COLEC12: variants seen among roughly 807,000 people sequenced by gnomAD.
The protein encoded by COLEC12 is collectin-12.
COLEC12 carries 33 observed loss-of-function variants against 71.1 expected under a neutral mutation model. That is an observed-to-expected ratio of 0.46 (90% CI 0.35 to 0.62). COLEC12 has a LOEUF of 0.62. Ranked by LOEUF, COLEC12 falls within the 20% of genes least tolerant of loss-of-function variation. The probability of loss-of-function intolerance (pLI) is 0.00; values close to 1 mark genes in which losing one functional copy is unlikely to be tolerated. For missense variants in COLEC12, 765 were observed against 916.1 expected (o/e 0.84, Z 2.13); for synonymous variants, 350 against 353.0 (o/e 0.99, Z 0.10).
At chr18:450,547 G>A (rs539333665) in intron 2 of COLEC12, among the ~76,000 whole-genome samples, 2 of 152,130 alleles carry the variant, frequency 1.3e-5, no homozygotes, top group Non-Finnish European at 2.9e-5. Flanking sequence ...AGAAGAAGCT[G>A]CTATGCTTCC....
chr18:389,214 C>G (rs112963606), intron 2 of COLEC12, among the ~76,000 whole-genome samples: 3 of 51,244 alleles, frequency 5.9e-5, no homozygotes, highest in East Asian at 8.1e-4. Context: ...CACAGACACA[C>G]ACACACACAC....
chr18:499,264 T>C (rs1032802170), intron 1 of COLEC12, among the ~76,000 whole-genome samples: 2 of 152,186 alleles, frequency 1.3e-5, no homozygotes, highest in African/African-American at 4.8e-5. Context: ...CTTTTGTTTC[T>C]TTTTCCCTGG....
At chr18:344,639 C>T (rs934835586) in intron 5 of COLEC12, among the ~76,000 whole-genome samples, 2 of 152,246 alleles carry the variant, frequency 1.3e-5, no homozygotes, top group Non-Finnish European at 2.9e-5. Context: ...GGAACACATT[C>T]CCTTCCCTGG....
intron 2 of COLEC12, among the ~76,000 whole-genome samples, chr18:398,378 G>A (rs938060807): frequency 4.6e-5 from 7 of 152,318 alleles, no homozygotes; most frequent in African/African-American, 1.7e-4. Context: ...CCATCAAGAT[G>A]AAAGGAACCA....
At chr18:395,624 A>G (rs774928574) in intron 2 of COLEC12, among the ~76,000 whole-genome samples, 8 of 152,186 alleles carry the variant, frequency 5.3e-5, no homozygotes, top group African/African-American at 9.7e-5. Context: ...GAGTTTATAT[A>G]AGTTCCGAGG....
intron 3 of COLEC12, among the ~76,000 whole-genome samples, chr18:352,188 T>G (rs1914537709): frequency 6.6e-6 from 1 of 152,204 alleles, no homozygotes. Context: ...CTGGAAACTC[T>G]CAAGAATAAA....
Position 488,336 on chromosome 18 carries a change from G to A in COLEC12, c.8-7579C>T, listed in dbSNP as rs1045856582. Reference sequence around the variant, plus strand: ...TGAGGCAGGAGAATCACTTGAACCCGGGAGGCGGAAGTTGCAGTGATCTGA... The same window carrying A: ...TGAGGCAGGAGAATCACTTGAACCCAGGAGGCGGAAGTTGCAGTGATCTGA... On this transcript the variant is annotated intron_variant, in intron 1 of 9. Coordinates refer to ENST00000400256, the MANE Select transcript of COLEC12 (RefSeq NM_130386.3). Among the ~76,000 whole-genome samples, 4 of 151,988 alleles carry A rather than the reference G, an allele frequency of 2.6e-5. No individual in the cohort carries two copies. In the South Asian group the frequency reaches 6.2e-4, roughly 24 times the overall value.
intron 2 of COLEC12, among the ~76,000 whole-genome samples, chr18:428,263 C>CAAAA (rs764493479): frequency 7.6e-6 from 1 of 131,358 alleles, no homozygotes; most frequent in African/African-American, 2.8e-5. Context: ...AACTCCGTCT[C>CAAAA]AAAAAAAAAA....
At chr18:489,081 A>G (rs893595405) in intron 1 of COLEC12, among the ~76,000 whole-genome samples, 5 of 152,186 alleles carry the variant, frequency 3.3e-5, no homozygotes, top group African/African-American at 1.2e-4. Flanking sequence ...TCCAAGGCTC[A>G]TCATCATAAA....
At chr18:368,819 TC>T (rs1914926646) in intron 2 of COLEC12, among the ~76,000 whole-genome samples, 1 of 152,126 alleles carries the variant, frequency 6.6e-6, no homozygotes. Context: ...TGAGCCGAGA[TC>T]ACGTCACTGC....
intron 2 of COLEC12, among the ~76,000 whole-genome samples, chr18:401,700 T>C (rs1915690491): frequency 1.3e-5 from 2 of 152,226 alleles, no homozygotes; most frequent in South Asian, 4.1e-4. Flanking sequence ...CCCTTGGAGA[T>C]ACTTTAATAC....
intron 2 of COLEC12, among the ~76,000 whole-genome samples, chr18:418,772 T>C (rs558720144): frequency 6.6e-6 from 1 of 152,316 alleles, no homozygotes; most frequent in South Asian, 2.1e-4. Flanking sequence ...ACATGAATAA[T>C]CCACCCCTTG....
intron 2 of COLEC12, among the ~76,000 whole-genome samples, chr18:449,001 G>A (rs79878952): frequency 0.016 from 2,414 of 152,124 alleles, 53 homozygotes; most frequent in Admixed American, 0.042. Flanking sequence ...CCAAAGAAAT[G>A]ACACCCAGCG....
intron 2 of COLEC12, among the ~76,000 whole-genome samples, chr18:456,497 C>T (rs186683599): frequency 9.6e-4 from 146 of 152,306 alleles, no homozygotes; most frequent in Non-Finnish European, 1.5e-3. Context: ...TGGCCGGGCT[C>T]TGCCTCCAGT....
intron 5 of COLEC12, among the ~76,000 whole-genome samples, chr18:341,664 T>A (rs1914255546): frequency 6.6e-6 from 1 of 152,242 alleles, no homozygotes; most frequent in African/African-American, 2.4e-5. Flanking sequence ...GGAAGTGACC[T>A]TATTTACATT....
rs758247174 is a variant in COLEC12 at position 346,810 on chromosome 18, T to C, written c.812A>G (p.Asn271Ser). ...GTTGGCTTTGGCCAACGCAGAGTTG[T>C]TGGCAGCCAGCGTCTGCAAGCTCTG... ...KVQSLQTLAA[N>S]NSALAKANND... The change falls in exon 5 of 10, where the codon AAC (asparagine) becomes AGC (serine). Residue 271 changes from asparagine to serine, a missense_variant. Coordinates refer to ENST00000400256, the MANE Select transcript of COLEC12 (RefSeq NM_130386.3). The surrounding 1 kb of genome is among the most constrained non-coding windows in gnomAD (Gnocchi z 4.0). 6.2e-7 allele frequency: 1 copy of C among 1,614,066 alleles called. No homozygotes were observed. The highest frequency in any genetic ancestry group is 1.7e-5 in the Admixed American group (1 of 60,012).
At chr18:414,063 G>C (rs1235118041) in intron 2 of COLEC12, among the ~76,000 whole-genome samples, 1 of 152,146 alleles carries the variant, frequency 6.6e-6, no homozygotes, top group African/African-American at 2.4e-5. Context: ...TTTGTATCTT[G>C]ACTTTGTCAG....
chr18:384,023 T>G (rs887242358), intron 2 of COLEC12, among the ~76,000 whole-genome samples: 1 of 152,156 alleles, frequency 6.6e-6, no homozygotes, highest in African/African-American at 2.4e-5. Flanking sequence ...GCCCCCATGA[T>G]CCAATTATCT....
intron 1 of COLEC12, among the ~76,000 whole-genome samples, chr18:499,402 T>C (rs1300154877): frequency 6.6e-6 from 1 of 152,216 alleles, no homozygotes; most frequent in African/African-American, 2.4e-5. Flanking sequence ...CCGCGGGAGC[T>C]GCCCTTCAGA....
Sources: allele counts gnomAD v4.1 joint callset (sites outside exome capture counted in the v4.1 genomes callset), GRCh38; gene constraint gnomAD v4.1.1; non-coding constraint Gnocchi (gnomAD v3.1); transcripts MANE v1.5; gene names NCBI Gene and HGNC (gene_info 2026-07-23, HGNC 2026-07-21).